SDK1: variants seen among roughly 807,000 people sequenced by gnomAD.
SDK1 encodes sidekick cell adhesion molecule 1.
A neutral mutation model predicts 245.5 loss-of-function variants in SDK1; 157 were observed. The ratio of observed to expected loss-of-function variants is 0.64; its 90% CI spans 0.56 to 0.73. The LOEUF is 0.73. Among genes scored for constraint, SDK1 ranks in the 30% least tolerant of loss-of-function variants. The probability of loss-of-function intolerance (pLI) is 0.00; values close to 1 mark genes in which losing one functional copy is unlikely to be tolerated. For missense variants in SDK1, 3,583 were observed against 3,002.3 expected (o/e 1.19, Z -4.52); for synonymous variants, 1,647 against 1,278.5 (o/e 1.29, Z -6.15).
chr7:4,183,706 C>G (rs935389766), intron 35 of SDK1, among the ~76,000 whole-genome samples: 6 of 152,014 alleles, frequency 3.9e-5, no homozygotes, highest in African/African-American at 1.4e-4. Flanking sequence ...TCCCATACTC[C>G]TAATCTCTCA....
At chr7:3,475,683 T>C (rs1432349517) in intron 1 of SDK1, among the ~76,000 whole-genome samples, 1 of 152,204 alleles carries the variant, frequency 6.6e-6, no homozygotes, top group African/African-American at 2.4e-5. Context: ...GGGAGAATGG[T>C]ATTAAAAGTA....
chr7:4,032,789 G>A (rs1004980091), intron 17 of SDK1, among the ~76,000 whole-genome samples: 7 of 152,276 alleles, frequency 4.6e-5, no homozygotes, highest in Non-Finnish European at 1.0e-4. Context: ...AAACACATAC[G>A]AAGAAAAGTA....
At chr7:3,845,692 CTT>C (rs773625554) in intron 5 of SDK1, among the ~76,000 whole-genome samples, 29 of 141,648 alleles carry the variant, frequency 2.0e-4, no homozygotes, top group Non-Finnish European at 2.2e-4. Flanking sequence ...CGTGCTTCTC[CTT>C]TTTTTTTTTT....
At chr7:3,378,700 A>C (rs1342102739) in intron 1 of SDK1, among the ~76,000 whole-genome samples, 1 of 152,072 alleles carries the variant, frequency 6.6e-6, no homozygotes, top group Non-Finnish European at 1.5e-5. Flanking sequence ...AAGGATCTGC[A>C]ACTCAGCGTT....
At position 3,321,506 on chromosome 7, in the gene SDK1, G is replaced by C. The variant is rs58892397; in HGVS notation, c.298+19622G>C. Among the ~76,000 whole-genome samples the C allele has an allele frequency of 5.4e-3, 815 of 152,234 alleles. 8 individuals carry two copies. Among genetic ancestry groups the C allele is most frequent in the African/African-American group, 0.019 (788 of 41,538 alleles). On this transcript the variant is annotated intron_variant, in intron 1 of 44. Transcript: ENST00000404826. ...TCAGTGCACTTATTTGGTTGATACT[G>C]AGTCGCTATAAAAATCATTGACATG...
chr7:3,452,507 G>A (rs984546708), intron 1 of SDK1, among the ~76,000 whole-genome samples: 1 of 152,130 alleles, frequency 6.6e-6, no homozygotes, highest in Non-Finnish European at 1.5e-5. Context: ...AAGTTATGAT[G>A]AACATGCATT....
At chr7:4,222,084 C>T (rs564741356) in intron 40 of SDK1, among the ~76,000 whole-genome samples, 2 of 152,104 alleles carry the variant, frequency 1.3e-5, no homozygotes, top group South Asian at 2.1e-4. Context: ...GTGTCAGGGA[C>T]GCTATTCAGG....
chr7:4,245,863 A>T (rs1306242168), intron 44 of SDK1, 58 bp downstream of exon 44: 1 of 1,597,498 alleles, frequency 6.3e-7, no homozygotes, highest in Non-Finnish European at 8.6e-7. Flanking sequence ...CTGCAGTGAG[A>T]CTTCTGCCCC....
chr7:3,748,890 T>C (rs555514454), intron 4 of SDK1, among the ~76,000 whole-genome samples: 124 of 152,304 alleles, frequency 8.1e-4, no homozygotes, highest in Admixed American at 2.5e-3. Context: ...ATTCATCCTG[T>C]CCAGACAATT....
chr7:3,354,729 A>G (rs1294588069), intron 1 of SDK1, among the ~76,000 whole-genome samples: 3 of 152,248 alleles, frequency 2.0e-5, no homozygotes, highest in African/African-American at 4.8e-5. Flanking sequence ...GCTAGCTAAT[A>G]TGTTAACCCC....
intron 1 of SDK1, among the ~76,000 whole-genome samples, chr7:3,590,827 G>A (rs1312737944): frequency 1.3e-5 from 2 of 149,062 alleles, no homozygotes; most frequent in East Asian, 4.0e-4. Flanking sequence ...CTGTCCCCCA[G>A]GCTGGAGTGC....
intron 17 of SDK1, among the ~76,000 whole-genome samples, chr7:4,041,701 A>C (rs1788651992): frequency 1.1e-5 from 1 of 93,518 alleles, no homozygotes; most frequent in East Asian, 2.1e-4. Flanking sequence ...ATCACACAAC[A>C]CATGGCTTTT....
At chr7:4,145,571 G>T in intron 28 of SDK1, 151 bp from the exon 29 acceptor site, 1 of 635,844 alleles carries the variant, frequency 1.6e-6, no homozygotes, top group South Asian at 2.3e-5. Context: ...TCACAGCCAT[G>T]AGACCACCCT....
chr7:3,861,785 TC>T (rs2115118619), intron 5 of SDK1, among the ~76,000 whole-genome samples: 1 of 152,204 alleles, frequency 6.6e-6, no homozygotes, highest in East Asian at 1.9e-4. Context: ...TTTTACCCTC[TC>T]CCGTCAATGT....
At chr7:4,160,365 A>T (rs770737174) in intron 31 of SDK1, among the ~76,000 whole-genome samples, 1 of 152,112 alleles carries the variant, frequency 6.6e-6, no homozygotes, top group African/African-American at 2.4e-5. Flanking sequence ...ATCCAAAAGG[A>T]CCATTTTTGA....
chr7:3,877,662 G>GT (rs1781107393), intron 5 of SDK1, among the ~76,000 whole-genome samples: 1 of 152,194 alleles, frequency 6.6e-6, no homozygotes, highest in African/African-American at 2.4e-5. Context: ...ATCACACAGA[G>GT]TTAACCACTG....
chr7:4,059,872 T>A (rs981136224), intron 19 of SDK1, among the ~76,000 whole-genome samples: 1 of 151,374 alleles, frequency 6.6e-6, no homozygotes, highest in Admixed American at 6.6e-5. Flanking sequence ...GGAGGAAATT[T>A]AAAAATTTCT....
intron 1 of SDK1, among the ~76,000 whole-genome samples, chr7:3,491,177 C>T (rs1363286571): frequency 6.6e-6 from 1 of 152,200 alleles, no homozygotes; most frequent in African/African-American, 2.4e-5. Context: ...GAAGTATGTA[C>T]CCTTTAGGGA....
chr7:3,574,939 C>T (rs945456059), intron 1 of SDK1, among the ~76,000 whole-genome samples: 2 of 152,002 alleles, frequency 1.3e-5, no homozygotes, highest in Non-Finnish European at 2.9e-5. Flanking sequence ...GTGGGAGCCT[C>T]TTGGTAGCTG....
Sources: gnomAD v4.1 joint callset for allele counts (sites outside exome capture counted in the v4.1 genomes callset) on GRCh38, gnomAD v4.1.1 for gene constraint, MANE v1.5 for transcripts, NCBI Gene and HGNC (gene_info 2026-07-23, HGNC 2026-07-21) for gene names.